The following TMEFF2 variants were observed in gnomAD, a reference collection of about 807,000 sequenced individuals.
The protein encoded by TMEFF2 is transmembrane protein with EGF like and two follistatin like domains 2, also known as tomoregulin-2.
Under a neutral mutation model 53.8 loss-of-function variants are expected in TMEFF2, and 28 were observed. The ratio of observed to expected loss-of-function variants is 0.52; its 90% CI spans 0.39 to 0.71. The LOEUF is 0.71. Ranked by LOEUF, TMEFF2 falls within the 30% of genes least tolerant of loss-of-function variation. The pLI, the probability that TMEFF2 is intolerant of heterozygous loss-of-function variation, is 0.00. For missense variants in TMEFF2, 353 were observed against 455.2 expected (o/e 0.78, Z 2.04); for synonymous variants, 162 against 166.3 (o/e 0.97, Z 0.20).
chr2:191,968,185 G>T (rs999825502), intron 7 of TMEFF2, among the ~76,000 whole-genome samples: 14 of 152,204 alleles, frequency 9.2e-5, no homozygotes, highest in Non-Finnish European at 1.3e-4. Context: ...ACACAGCTGA[G>T]AAAAGGTGCA....
At chr2:192,145,096 A>G (rs1023855421) in intron 4 of TMEFF2, among the ~76,000 whole-genome samples, 1 of 151,976 alleles carries the variant, frequency 6.6e-6, no homozygotes, top group Non-Finnish European at 1.5e-5. Context: ...AAATATGCAT[A>G]TTATATAGTG....
chr2:192,034,894 A>G (rs1198450930), intron 5 of TMEFF2: 1 of 152,208 alleles, frequency 6.6e-6, no homozygotes, highest in Non-Finnish European at 1.5e-5. Context: ...GGGTAGGTAA[A>G]CACACCTGCC....
intron 4 of TMEFF2, among the ~76,000 whole-genome samples, chr2:192,139,632 A>G (rs1690091352): frequency 6.6e-6 from 1 of 152,198 alleles, no homozygotes; most frequent in South Asian, 2.1e-4. Context: ...GATTTATGAG[A>G]CTGTTATTCA....
intron 4 of TMEFF2, chr2:192,179,024 C>G (rs1005047605): frequency 2.5e-5 from 2 of 80,658 alleles, no homozygotes. Flanking sequence ...TTAGATCAAA[C>G]TTTTAAAGTT....
chr2:191,971,351 A>G (rs1449713267), intron 7 of TMEFF2, among the ~76,000 whole-genome samples: 1 of 152,240 alleles, frequency 6.6e-6, no homozygotes. Flanking sequence ...GAATTTGGAG[A>G]GAGTCAAACT....
At chr2:192,110,723 T>C (rs12693626) in intron 4 of TMEFF2, among the ~76,000 whole-genome samples, 101,034 of 152,020 alleles carry the variant, frequency 0.66, 33,664 homozygotes, top group South Asian at 0.8. Context: ...TGTTAAGATG[T>C]GTGTTTGTTA....
chr2:192,123,441 TA>T (rs1220218021), intron 4 of TMEFF2, among the ~76,000 whole-genome samples: 1 of 152,172 alleles, frequency 6.6e-6, no homozygotes. Flanking sequence ...TCTTTGAAGT[TA>T]AAAATATGAT....
intron 4 of TMEFF2, among the ~76,000 whole-genome samples, chr2:192,119,318 T>C (rs1482922157): frequency 6.6e-6 from 1 of 152,228 alleles, no homozygotes; most frequent in Non-Finnish European, 1.5e-5. Flanking sequence ...TCAAAGTTAG[T>C]ATTCTTTATC....
At chr2:191,955,154 AGGAAGAGTGGGAGAGAGAGG>A (rs1692029087) in intron 8 of TMEFF2, among the ~76,000 whole-genome samples, 1 of 21,634 alleles carries the variant, frequency 4.6e-5, no homozygotes. Flanking sequence ...GGGGGGAGGG[AGGAAGAGTGGGAGAGAGAGG>A]GAGAGAGAGA....
At chr2:192,144,188 T>A (rs1040626588) in intron 4 of TMEFF2, among the ~76,000 whole-genome samples, 1 of 152,086 alleles carries the variant, frequency 6.6e-6, no homozygotes, top group Non-Finnish European at 1.5e-5. Context: ...CCTTCCCACA[T>A]CGTCGCCATC....
chr2:192,002,824 T>C (rs1376461463), intron 5 of TMEFF2, among the ~76,000 whole-genome samples: 1 of 152,038 alleles, frequency 6.6e-6, no homozygotes, highest in Non-Finnish European at 1.5e-5. Context: ...AGTGGGACTC[T>C]GTTTCAAAAA....
chr2:192,013,625 T>C (rs1206317595), intron 5 of TMEFF2, among the ~76,000 whole-genome samples: 5 of 152,068 alleles, frequency 3.3e-5, no homozygotes, highest in African/African-American at 1.2e-4. Flanking sequence ...AATTTTTCTA[T>C]TTTTAGTAGA....
intron 7 of TMEFF2, among the ~76,000 whole-genome samples, chr2:191,968,853 G>C (rs73044399): frequency 0.017 from 2,652 of 152,044 alleles, 86 homozygotes; most frequent in African/African-American, 0.06. Context: ...TTAGATTATG[G>C]CATCTCCAAA....
chr2:192,025,833 A>C (rs574023118), intron 5 of TMEFF2, among the ~76,000 whole-genome samples: 1 of 152,294 alleles, frequency 6.6e-6, no homozygotes, highest in Admixed American at 6.5e-5. Flanking sequence ...ACAATGTCTG[A>C]ATGCAGGGCA....
intron 7 of TMEFF2, among the ~76,000 whole-genome samples, chr2:191,976,620 C>T (rs1050180254): frequency 2.0e-5 from 3 of 152,170 alleles, no homozygotes; most frequent in Admixed American, 2.0e-4. Flanking sequence ...TTGGCAATTT[C>T]CTTCATTCCT....
intron 4 of TMEFF2, among the ~76,000 whole-genome samples, chr2:192,129,286 T>C (rs2105974914): frequency 6.6e-6 from 1 of 152,216 alleles, no homozygotes. Flanking sequence ...ATAGCTTTTG[T>C]CATCTTGAAA....
intron 5 of TMEFF2, among the ~76,000 whole-genome samples, chr2:192,007,880 T>G (rs2105846123): frequency 6.6e-6 from 1 of 152,286 alleles, no homozygotes; most frequent in Non-Finnish European, 1.5e-5. Flanking sequence ...GGCTCGCTAC[T>G]TAAGGCATAT....
At chr2:192,146,231 C>A (rs115004337) in intron 4 of TMEFF2, among the ~76,000 whole-genome samples, 2 of 151,898 alleles carry the variant, frequency 1.3e-5, no homozygotes, top group Non-Finnish European at 2.9e-5. Context: ...ATTCTCAGAA[C>A]ATAGGCTACT....
At chr2:192,095,879 A>G (rs1688891957) in intron 4 of TMEFF2, among the ~76,000 whole-genome samples, 1 of 152,228 alleles carries the variant, frequency 6.6e-6, no homozygotes, top group African/African-American at 2.4e-5. Flanking sequence ...ATGTAAGAGA[A>G]GTATCCTTCC....
Sources: gnomAD v4.1 joint callset for allele counts (sites outside exome capture counted in the v4.1 genomes callset) on GRCh38, gnomAD v4.1.1 for gene constraint, MANE v1.5 for transcripts, NCBI Gene and HGNC (gene_info 2026-07-23, HGNC 2026-07-21) for gene names.